The following KCNIP4 variants were observed in gnomAD, a reference collection of about 807,000 sequenced individuals.
KCNIP4 encodes Kv channel-interacting protein 4.
In KCNIP4, 12 loss-of-function variants were observed where a neutral mutation model predicts 34.0. The ratio of observed to expected loss-of-function variants is 0.35; its 90% confidence interval spans 0.23 to 0.57. The LOEUF is 0.57. KCNIP4 is among the 20% of genes least tolerant of loss of function. The pLI, the probability that KCNIP4 is intolerant of heterozygous loss-of-function variation, is 0.83. For synonymous variants in KCNIP4, 124 were observed against 102.2 expected (o/e 1.21, Z -1.29); for missense variants, 238 against 311.7 (o/e 0.76, Z 1.78).
intron 1 of KCNIP4, among the ~76,000 whole-genome samples, chr4:20,973,515 T>C (rs1215895098): frequency 6.6e-6 from 1 of 152,238 alleles, no homozygotes; most frequent in Non-Finnish European, 1.5e-5. Context: ...TGCTTTCTCA[T>C]TCTTCACGTG....
chr4:21,610,539 A>G (rs899790186), intron 1 of KCNIP4, among the ~76,000 whole-genome samples: 6 of 152,204 alleles, frequency 3.9e-5, no homozygotes, highest in African/African-American at 7.2e-5. Context: ...GGAGGATGAC[A>G]CAATTTAGCC....
At chr4:21,295,571 G>A (rs1294379062) in intron 1 of KCNIP4, among the ~76,000 whole-genome samples, 2 of 152,068 alleles carry the variant, frequency 1.3e-5, no homozygotes, top group African/African-American at 2.4e-5. Flanking sequence ...GATATATGAA[G>A]CACACTTCTA....
chr4:20,759,040 T>C, intron 3 of KCNIP4, 150 bp from the exon 4 acceptor site: 1 of 582,346 alleles, frequency 1.7e-6, no homozygotes, highest in Non-Finnish European at 3.0e-6. Flanking sequence ...AAAAGCACAC[T>C]ATAAACTTAT....
chr4:21,899,256 C>A (rs1727573669), intron 1 of KCNIP4, among the ~76,000 whole-genome samples: 2 of 152,034 alleles, frequency 1.3e-5, no homozygotes, highest in African/African-American at 4.8e-5. Flanking sequence ...TAAAAACCCT[C>A]AAAAAACTGG....
rs573154854 is a variant in KCNIP4, at chr4:21,303,577, T to C, written c.62-420868A>G. Among the ~76,000 whole-genome samples the C allele has an allele frequency of 3.3e-5, 5 of 152,336 alleles. No homozygotes were observed. In the East Asian group the frequency reaches 9.6e-4, roughly 29 times the overall value. On this transcript the variant is annotated intron_variant, in intron 1 of 8. Coordinates refer to ENST00000382152, the MANE Select transcript of KCNIP4 (RefSeq NM_025221.6). The stretch of plus-strand genomic sequence containing the variant: ...TACTTCAGTTTTTGTTCTGACATTT[T>C]TGATCCAAAGTGTTTCTCCTAGTTT...
intron 1 of KCNIP4, among the ~76,000 whole-genome samples, chr4:21,834,235 T>C (rs1008369593): frequency 1.3e-5 from 2 of 152,238 alleles, no homozygotes; most frequent in Non-Finnish European, 2.9e-5. Context: ...CATGGAATGT[T>C]CTTCCATTTG....
At chr4:21,415,585 C>T (rs1453501797) in intron 1 of KCNIP4, among the ~76,000 whole-genome samples, 1 of 151,566 alleles carries the variant, frequency 6.6e-6, no homozygotes, top group East Asian at 1.9e-4. Flanking sequence ...GCTTGTAATC[C>T]CAACTATTCA....
At chr4:21,117,265 C>G (rs1305405379) in intron 1 of KCNIP4, among the ~76,000 whole-genome samples, 1 of 123,230 alleles carries the variant, frequency 8.1e-6, no homozygotes, top group African/African-American at 2.9e-5. Flanking sequence ...CCCAGAGTTT[C>G]TGATGGATAG....
At chr4:21,655,538 A>G (rs577602160) in intron 1 of KCNIP4, among the ~76,000 whole-genome samples, 107 of 152,236 alleles carry the variant, frequency 7.0e-4, no homozygotes, top group Non-Finnish European at 1.2e-3. Context: ...CACATGCTCC[A>G]CTAAATGTAT....
At chr4:21,545,802 GT>G (rs1474563846) in intron 1 of KCNIP4, among the ~76,000 whole-genome samples, 6 of 152,094 alleles carry the variant, frequency 3.9e-5, no homozygotes, top group African/African-American at 1.4e-4. Flanking sequence ...ATTTGGGTTG[GT>G]TCCAAGTCTT....
At chr4:20,784,809 G>A (rs1164621742) in intron 3 of KCNIP4, among the ~76,000 whole-genome samples, 3 of 152,252 alleles carry the variant, frequency 2.0e-5, no homozygotes, top group African/African-American at 7.2e-5. Flanking sequence ...AAAACACTGT[G>A]ATGTGTGCAT....
chr4:21,820,281 G>GTATATA (rs1485869715), intron 1 of KCNIP4, among the ~76,000 whole-genome samples: 1 of 17,910 alleles, frequency 5.6e-5, no homozygotes, highest in African/African-American at 1.7e-4. Flanking sequence ...GTATGTGTGT[G>GTATATA]TGTGTATATA....
intron 1 of KCNIP4, among the ~76,000 whole-genome samples, chr4:21,121,930 C>A (rs892130245): frequency 6.6e-6 from 1 of 152,180 alleles, no homozygotes; most frequent in Non-Finnish European, 1.5e-5. Context: ...ATCTTTTGAA[C>A]TTGACACAAT....
chr4:21,146,918 CATATTT>C (rs1752398319), intron 1 of KCNIP4, among the ~76,000 whole-genome samples: 1 of 151,998 alleles, frequency 6.6e-6, no homozygotes, highest in Non-Finnish European at 1.5e-5. Flanking sequence ...GCTGTATATA[CATATTT>C]ATATAAGTAT....
intron 3 of KCNIP4, among the ~76,000 whole-genome samples, chr4:20,835,313 C>A (rs1033721325): frequency 6.6e-6 from 1 of 151,488 alleles, no homozygotes; most frequent in African/African-American, 2.4e-5. Context: ...CCTTTTGTCT[C>A]TTTTAAGTCA....
At chr4:21,221,052 T>C (rs558547295) in intron 1 of KCNIP4, among the ~76,000 whole-genome samples, 1 of 152,262 alleles carries the variant, frequency 6.6e-6, no homozygotes, top group Admixed American at 6.5e-5. Flanking sequence ...GATTGGGCTT[T>C]TAAATAATTC....
intron 1 of KCNIP4, among the ~76,000 whole-genome samples, chr4:21,412,585 A>G (rs62295484): frequency 0.21 from 31,628 of 152,164 alleles, 4,144 homozygotes; most frequent in Non-Finnish European, 0.29. Flanking sequence ...CTGGCAATCA[A>G]TTGCTTTTAT....
chr4:20,860,274 G>A (rs1577267021), intron 2 of KCNIP4, among the ~76,000 whole-genome samples: 1 of 152,058 alleles, frequency 6.6e-6, no homozygotes, highest in Non-Finnish European at 1.5e-5. Flanking sequence ...CAAGTAGCTG[G>A]AATTACAGGA....
intron 1 of KCNIP4, among the ~76,000 whole-genome samples, chr4:21,399,532 G>C (rs1723290945): frequency 6.6e-6 from 1 of 152,146 alleles, no homozygotes; most frequent in African/African-American, 2.4e-5. Context: ...AGAAATTGTG[G>C]GTTTATTTTT....
Sources: gnomAD v4.1 joint callset for allele counts (sites outside exome capture counted in the v4.1 genomes callset) on GRCh38, gnomAD v4.1.1 for gene constraint, MANE v1.5 for transcripts, NCBI Gene and HGNC (gene_info 2026-07-23, HGNC 2026-07-21) for gene names.